The following RALGDS variants were observed in gnomAD, a reference collection of about 807,000 sequenced individuals.
The protein encoded by RALGDS is ral guanine nucleotide exchange factor.
Under a neutral mutation model 99.8 loss-of-function variants are expected in RALGDS, and 44 were observed. That is an observed-to-expected ratio of 0.44 (90% CI 0.35 to 0.57). RALGDS has a LOEUF of 0.57. RALGDS is among the 20% of genes least tolerant of loss of function. RALGDS has a pLI of 0.01. For missense variants in RALGDS, 1,022 were observed against 1,203.1 expected (o/e 0.85, Z 2.23); for synonymous variants, 529 against 505.0 (o/e 1.05, Z -0.64).
At position 133,098,546 on chromosome 9, in the gene RALGDS, A is replaced by C. The variant is rs772780500; in HGVS notation, c.*41T>G. The C allele has an allele frequency of 3.7e-6, 6 of 1,610,666 alleles. No homozygotes were observed. The South Asian group carries it at 6.6e-5, about 18-fold the overall frequency. On this transcript the variant is annotated 3_prime_UTR_variant, in exon 18 of 18. Coordinates refer to ENST00000372050, the MANE Select transcript of RALGDS (RefSeq NM_006266.4). The stretch of plus-strand genomic sequence containing the variant: ...CTGGCCTGGGCCACTCTGGTCCATA[A>C]GTGCTTGGCTACCAGCCAGCCAGAC...
chr9:133,136,845 G>A (rs1832434841), intron 1 of RALGDS, among the ~76,000 whole-genome samples: 1 of 152,226 alleles, frequency 6.6e-6, no homozygotes, highest in African/African-American at 2.4e-5. Context: ...GCTGAGGCAG[G>A]AGACTGGCTT....
intron 9 of RALGDS, among the ~76,000 whole-genome samples, chr9:133,104,877 T>C (rs895828576): frequency 2.0e-5 from 3 of 152,168 alleles, no homozygotes; most frequent in Non-Finnish European, 4.4e-5. Flanking sequence ...AGTCCTGTTA[T>C]GGCTGCACAC....
rs569715873 is a variant in RALGDS at position 133,142,172 on chromosome 9, G to A, written c.18+6791C>T. ...GGAGATGGGGAGGGGGGAGTGGACT[G>A]GGGTGTCCCTCAGGAAGGATCCAGG... On this transcript the variant is annotated intron_variant, in intron 1 of 17. Coordinates refer to the RALGDS transcript ENST00000393160. Among the ~76,000 whole-genome samples the A allele has an allele frequency of 1.8e-4, 28 of 152,302 alleles. 1 individual carries two copies. The South Asian group carries it at 5.4e-3, about 29-fold the overall frequency.
At chr9:133,136,666 G>A (rs908029607) in intron 1 of RALGDS, among the ~76,000 whole-genome samples, 3 of 152,078 alleles carry the variant, frequency 2.0e-5, no homozygotes, top group Admixed American at 1.3e-4. Context: ...CCAGCTACTC[G>A]GGAGGCTGAG....
rs1830578999 is a variant in RALGDS, at chr9:133,097,933, A to ATGGCACTTGCAGTGGCATGAGATTC, written c.*629_*653dup. The ATGGCACTTGCAGTGGCATGAGATTC allele has an allele frequency of 4.3e-6, 1 of 233,826 alleles. No homozygotes were observed. Among genetic ancestry groups the ATGGCACTTGCAGTGGCATGAGATTC allele is most frequent in the Non-Finnish European group, 8.4e-6 (1 of 118,602 alleles). 14.5% of individuals were successfully genotyped at this position (233,826 alleles called of 1,614,324 possible). A position where few individuals can be genotyped will look rare whatever the true frequency, so the allele number is the denominator to read the frequency against. ...CGTAAAGCCCAGGACGCAGTGGTGA[A>ATGGCACTTGCAGTGGCATGAGATTC]TGGCACTTGCAGTGGCATGAGATTC... On this transcript the variant is annotated 3_prime_UTR_variant, in exon 18 of 18. Transcript: ENST00000372050.
At chr9:133,147,052 T>C (rs1161037519) in intron 1 of RALGDS, among the ~76,000 whole-genome samples, 2 of 152,206 alleles carry the variant, frequency 1.3e-5, no homozygotes, top group African/African-American at 4.8e-5. Context: ...CTGGAAGCTG[T>C]ACATTAGGGT....
Position 133,103,201 on chromosome 9 carries a change from C to T in RALGDS, c.1791+29G>A, listed in dbSNP as rs1235751541. 4.3e-5 allele frequency: 69 copies of T among 1,613,626 alleles called. No individual in the cohort carries two copies. The Admixed American group carries it at 1.1e-3, about 27-fold the overall frequency. On this transcript the variant is annotated intron_variant, in intron 12 of 17. Transcript: ENST00000372050. ...TGGTGGGTCTGTTTTCCACCCCTCC[C>T]CAAGTCAGGGCTGCCTGCAGCTGCT...
exon 1 of RALGDS, chr9:133,148,971 C>T: frequency 6.2e-7 from 1 of 1,601,034 alleles, no homozygotes; most frequent in Non-Finnish European, 8.5e-7. Flanking sequence ...ACCTGGCAAT[C>T]TACCATCATC....
intron 10 of RALGDS, 146 bp from the exon 11 acceptor site, chr9:133,103,979 C>G (rs1564230132): frequency 2.3e-6 from 2 of 869,080 alleles, no homozygotes; most frequent in African/African-American, 3.3e-5. Flanking sequence ...CAGACTCCCT[C>G]TAGCCATCTC....
At chr9:133,142,667 CTT>C (rs1206220109) in intron 1 of RALGDS, among the ~76,000 whole-genome samples, 3 of 152,218 alleles carry the variant, frequency 2.0e-5, no homozygotes, top group Admixed American at 6.5e-5. Context: ...CCCTAAGACT[CTT>C]TGAGGCTCCA....
At chr9:133,120,426 C>CG (rs1831861566) in intron 1 of RALGDS, among the ~76,000 whole-genome samples, 3 of 119,568 alleles carry the variant, frequency 2.5e-5, no homozygotes, top group African/African-American at 9.4e-5. Context: ...CCCCATCCCC[C>CG]GACCCCCCCC....
In RALGDS at chr9:133,148,886, C is replaced by A. The variant is rs182415083; in HGVS notation, c.18+77G>T. On this transcript the variant is annotated intron_variant, in intron 1 of 17. Coordinates refer to the RALGDS transcript ENST00000393160. ...GCGTGGACGCGGCGCCGGGCTCCCT[C>A]CCCCCGGTGGGTGTGGGCTGGGGCA... 2.7e-4 allele frequency: 412 copies of A among 1,529,488 alleles called. No individual in the cohort carries two copies. The African/African-American group carries it at 5.2e-3, about 19-fold the overall frequency. 94.7% of individuals were successfully genotyped at this position (1,529,488 alleles called of 1,614,324 possible).
At chr9:133,138,640 G>A (rs779680045) in intron 1 of RALGDS, among the ~76,000 whole-genome samples, 10 of 152,160 alleles carry the variant, frequency 6.6e-5, no homozygotes, top group Non-Finnish European at 1.3e-4. Context: ...CCTGGGCCTG[G>A]TGCTTTGTTT....
intron 17 of RALGDS, chr9:133,099,946 G>GT: frequency 2.5e-6 from 1 of 404,358 alleles, no homozygotes; most frequent in Non-Finnish European, 4.6e-6. Flanking sequence ...TAGAGCACAT[G>GT]TTTTCTTGTC....
chr9:133,138,984 C>T (rs963677575), intron 1 of RALGDS, among the ~76,000 whole-genome samples: 11 of 152,156 alleles, frequency 7.2e-5, no homozygotes, highest in African/African-American at 2.4e-4. Context: ...CCCTCCCACA[C>T]TCACTGTGGC....
intron 1 of RALGDS, among the ~76,000 whole-genome samples, chr9:133,119,122 C>T (rs1197124732): frequency 1.3e-5 from 2 of 152,170 alleles, no homozygotes; most frequent in Admixed American, 6.5e-5. Context: ...GATCTGGCAG[C>T]CCAGAGGGAA....
Position 133,101,594 on chromosome 9 carries a change from G to C in RALGDS, c.2380C>G (p.Gln794Glu). The change falls in exon 16 of 18, where the codon CAG becomes GAG. Residue 794 changes from glutamine to glutamate, a missense_variant. Gln to Glu is a conservative substitution (Grantham distance 29, BLOSUM62 2). Transcript: ENST00000372050. ...NSSSALPLYN[Q>E]QVGDCCIIRV... ...ATGATACAGCAGTCGCCCACCTGCT[G>C]GTTGTAGAGCGGCAGCGCGGAGCTG... 6.2e-7 allele frequency: 1 copy of C among 1,612,914 alleles called. No homozygotes were observed. The highest frequency in any genetic ancestry group is 8.5e-7 in the Non-Finnish European group (1 of 1,180,020).
intron 4 of RALGDS, 126 bp downstream of exon 4, chr9:133,109,500 G>A: frequency 1.1e-6 from 1 of 892,502 alleles, no homozygotes; most frequent in South Asian, 1.3e-5. Context: ...CCCTCTAGCA[G>A]GAACCACAAG....
At position 133,121,103 on chromosome 9, in the gene RALGDS, G is replaced by A. The variant is rs1462801331; in HGVS notation, c.52C>T (p.Pro18Ser). 2 of 1,472,098 alleles carry A rather than the reference G, an allele frequency of 1.4e-6. No individual in the cohort carries two copies. Among genetic ancestry groups the A allele is most frequent in the Non-Finnish European group, 1.8e-6 (2 of 1,117,190 alleles). 91.2% of individuals were successfully genotyped at this position (1,472,098 alleles called of 1,614,324 possible). Residue 18 changes from proline (P) to serine (S), a missense_variant, in exon 1 of 18, where the codon CCG becomes TCG. Physicochemically the swap from Pro to Ser is moderately conservative, Grantham distance 74. Coordinates refer to ENST00000372050, the MANE Select transcript of RALGDS (RefSeq NM_006266.4). The part of the protein sequence containing the change: ...EAAGPAGGAE[P>S]LFPGSRRSRS... ...CTCCGCCGGGAGCCCGGAAACAGCGGCTCGGCGCCGCCAGCAGGCCCGGCC... is the reference window on the plus strand; with the variant it reads ...CTCCGCCGGGAGCCCGGAAACAGCGACTCGGCGCCGCCAGCAGGCCCGGCC...
Sources: allele counts gnomAD v4.1 joint callset (sites outside exome capture counted in the v4.1 genomes callset), GRCh38; gene constraint gnomAD v4.1.1; transcripts MANE v1.5; gene names NCBI Gene and HGNC (gene_info 2026-07-23, HGNC 2026-07-21).